Variants in SEMA3A observed in about 807,000 individuals in gnomAD.
SEMA3A encodes the protein semaphorin 3A, also known as semaphorin-3A.
Under a neutral mutation model 97.9 loss-of-function variants are expected in SEMA3A, and 29 were observed. The observed-to-expected ratio is 0.30, with a 90% CI of 0.22 to 0.40. SEMA3A has a LOEUF of 0.40. SEMA3A is among the 10% of genes least tolerant of loss of function. The probability of loss-of-function intolerance (pLI) is 1.00; values close to 1 mark genes in which losing one functional copy is unlikely to be tolerated. For missense variants in SEMA3A, 763 were observed against 951.3 expected, an observed-to-expected ratio of 0.80 and a Z score of 2.60; for synonymous variants, 321 against 323.7, an observed-to-expected ratio of 0.99 and a Z score of 0.09.
chr7:84,491,339 A>C (rs1431851177), intron 1 of SEMA3A, among the ~76,000 whole-genome samples: 2 of 152,154 alleles, frequency 1.3e-5, no homozygotes, highest in Non-Finnish European at 2.9e-5. Context: ...AATAATGGTT[A>C]AATTTAAAAA....
At chr7:84,211,019 T>C (rs13231596) in intron 3 of SEMA3A, among the ~76,000 whole-genome samples, 5,909 of 152,312 alleles carry the variant, frequency 0.039, 123 homozygotes, top group Middle Eastern at 0.071. Flanking sequence ...TCATGTTTTT[T>C]ATGAATGAAT....
At chr7:84,463,608 T>C (rs1489106845) in intron 1 of SEMA3A, among the ~76,000 whole-genome samples, 2 of 152,108 alleles carry the variant, frequency 1.3e-5, no homozygotes, top group East Asian at 3.9e-4. Context: ...TCCTTAAAAC[T>C]CGTTTCTGAA....
At chr7:84,047,790 C>G (rs760283894) in intron 5 of SEMA3A, among the ~76,000 whole-genome samples, 2 of 151,928 alleles carry the variant, frequency 1.3e-5, no homozygotes, top group African/African-American at 2.4e-5. Context: ...TTATAACAAG[C>G]ATTTGTGTAA....
intron 1 of SEMA3A, among the ~76,000 whole-genome samples, chr7:84,415,910 C>T (rs1804420361): frequency 6.6e-6 from 1 of 151,928 alleles, no homozygotes; most frequent in African/African-American, 2.4e-5. Context: ...AACTTAATTA[C>T]ACTCTGTGTT....
intron 1 of SEMA3A, 49 bp downstream of exon 1, chr7:84,194,426 G>C (rs778942744): frequency 8.0e-7 from 1 of 1,245,358 alleles, no homozygotes; most frequent in South Asian, 1.2e-5. Flanking sequence ...AATTAAGGGG[G>C]GGGGCGGTTA....
In SEMA3A at chr7:84,213,495, G is replaced by A. The variant is rs76688248; in HGVS notation, c.-82-18827C>T. 0.013 allele frequency among the ~76,000 whole-genome samples: 1,967 copies of A among 152,238 alleles called. 67 individuals carry two copies. The East Asian group carries it at 0.15, about 11-fold the overall frequency. ...AGATGAGGTCTCACTTTGCTGCCCA[G>A]ATTGGTCTTGAACTCCTGGCTCCCA... On this transcript the variant is annotated intron_variant, in intron 3 of 3. Coordinates refer to the SEMA3A transcript ENST00000424555.
chr7:83,961,064 T>C lies in SEMA3A; in HGVS notation c.*307A>G. 1 of 321,340 alleles carries C rather than the reference T, an allele frequency of 3.1e-6. No individual in the cohort carries two copies. The highest frequency in any genetic ancestry group is 5.7e-6 in the Non-Finnish European group (1 of 174,794). The allele number at this position is 321,340 out of a possible 1,614,324, so 19.9% of individuals were successfully genotyped here. On this transcript the variant is annotated 3_prime_UTR_variant, in exon 17 of 17. Transcript: ENST00000265362. ...TTAGATGGCAATATGGCAAATGACATTTTTATTTCTCAGGCAAAGAAGAAA... is the reference window on the plus strand; with the variant it reads ...TTAGATGGCAATATGGCAAATGACACTTTTATTTCTCAGGCAAAGAAGAAA...
chr7:84,289,505 TA>T (rs962905489), intron 3 of SEMA3A, among the ~76,000 whole-genome samples: 101 of 151,822 alleles, frequency 6.7e-4, no homozygotes, highest in African/African-American at 2.2e-3. Flanking sequence ...TTATTATCAA[TA>T]AAAAATTAAA....
chr7:84,321,733 G>A (rs573123594), intron 2 of SEMA3A, among the ~76,000 whole-genome samples: 52 of 151,604 alleles, frequency 3.4e-4, no homozygotes, highest in Non-Finnish European at 5.9e-4. Context: ...AAAATTAGCC[G>A]GGCGTGGTGG....
At chr7:84,285,233 G>A (rs796595778) in intron 3 of SEMA3A, among the ~76,000 whole-genome samples, 15 of 152,102 alleles carry the variant, frequency 9.9e-5, no homozygotes, top group African/African-American at 3.4e-4. Flanking sequence ...TTTAAATACA[G>A]AAGACAATAT....
At chr7:84,280,710 G>A (rs1196911231) in intron 3 of SEMA3A, among the ~76,000 whole-genome samples, 4 of 152,058 alleles carry the variant, frequency 2.6e-5, no homozygotes, top group African/African-American at 9.7e-5. Flanking sequence ...GAACCCGGGA[G>A]GCGGAGGTTG....
At chr7:84,043,138 T>A (rs1792209516) in intron 6 of SEMA3A, among the ~76,000 whole-genome samples, 1 of 151,860 alleles carries the variant, frequency 6.6e-6, no homozygotes, top group Non-Finnish European at 1.5e-5. Flanking sequence ...TAAATTAGGG[T>A]TTATCGTAAC....
chr7:84,426,561 T>C (rs997146391), intron 1 of SEMA3A, among the ~76,000 whole-genome samples: 2 of 152,140 alleles, frequency 1.3e-5, no homozygotes, highest in Non-Finnish European at 2.9e-5. Context: ...GTTTGTTTTA[T>C]AACTTTTAAG....
intron 15 of SEMA3A, among the ~76,000 whole-genome samples, chr7:83,965,133 G>T (rs2116261703): frequency 6.6e-6 from 1 of 150,418 alleles, no homozygotes. Context: ...TAGAGATGGG[G>T]TTTCGCCATT....
intron 1 of SEMA3A, among the ~76,000 whole-genome samples, chr7:84,436,191 T>A (rs1343121615): frequency 2.6e-5 from 4 of 152,156 alleles, no homozygotes; most frequent in Non-Finnish European, 5.9e-5. Context: ...CAACCTGGAT[T>A]AAAAATTTAA....
intron 1 of SEMA3A, among the ~76,000 whole-genome samples, chr7:84,403,422 C>A (rs529654110): frequency 6.6e-6 from 1 of 152,320 alleles, no homozygotes; most frequent in South Asian, 2.1e-4. Context: ...GTGGAGCCCA[C>A]CACAGCTCAA....
intron 3 of SEMA3A, among the ~76,000 whole-genome samples, chr7:84,209,979 C>T (rs1798586788): frequency 6.6e-6 from 1 of 151,810 alleles, no homozygotes; most frequent in Non-Finnish European, 1.5e-5. Context: ...ACTTTTTTTC[C>T]TAAGGGGATC....
In SEMA3A at chr7:84,376,399, G is replaced by A. The variant is rs1345717080; in HGVS notation, c.-245-4499C>T. Reference sequence around the variant, plus strand: ...GGGCGGATCACGAGGTCAGGAGATCGAGACCATCCTGGCTAACACAGTGAA... The same window carrying A: ...GGGCGGATCACGAGGTCAGGAGATCAAGACCATCCTGGCTAACACAGTGAA... On this transcript the variant is annotated intron_variant, in intron 1 of 3. Coordinates refer to the SEMA3A transcript ENST00000424555. Among the ~76,000 whole-genome samples, 3 of 116,194 alleles carry A rather than the reference G, an allele frequency of 2.6e-5. 1 individual carries two copies. The highest frequency in any genetic ancestry group is 5.6e-5 in the Non-Finnish European group (3 of 53,436). 76.2% of individuals were successfully genotyped at this position (116,194 alleles called of 152,430 possible).
At chr7:84,419,248 G>T (rs1324721505) in intron 1 of SEMA3A, among the ~76,000 whole-genome samples, 1 of 152,080 alleles carries the variant, frequency 6.6e-6, no homozygotes, top group Admixed American at 6.6e-5. Flanking sequence ...GCCCCTTTGT[G>T]ACAATCAATA....
Sources: gnomAD v4.1 joint callset for allele counts (sites outside exome capture counted in the v4.1 genomes callset) on GRCh38, gnomAD v4.1.1 for gene constraint, MANE v1.5 for transcripts, NCBI Gene and HGNC (gene_info 2026-07-23, HGNC 2026-07-21) for gene names.